The following ABHD5 variants were observed in gnomAD, a reference collection of about 807,000 sequenced individuals.
ABHD5 encodes abhydrolase domain containing 5, lysophosphatidic acid acyltransferase.
ABHD5 carries 30 observed loss-of-function variants against 44.9 expected under a neutral mutation model. That is an observed-to-expected ratio of 0.67 (90% CI 0.50 to 0.91). The LOEUF is 0.91. Among genes scored for constraint, ABHD5 ranks in the 40% least tolerant of loss-of-function variants. The probability of loss-of-function intolerance (pLI) is 0.00; values close to 1 mark genes in which losing one functional copy is unlikely to be tolerated. For synonymous variants in ABHD5, 167 were observed against 147.0 expected (o/e 1.14, Z -0.99); for missense variants, 399 against 423.4 (o/e 0.94, Z 0.50).
In ABHD5 at chr3:43,712,019, C is replaced by T. The variant is rs148939525; in HGVS notation, c.661+156C>T. Among the ~76,000 whole-genome samples the T allele has an allele frequency of 6.8e-3, 1,038 of 152,262 alleles. 11 individuals are homozygous for T. Among genetic ancestry groups the T allele is most frequent in the African/African-American group, 0.023 (956 of 41,530 alleles). On this transcript the variant is annotated intron_variant, in intron 4 of 6. Transcript: ENST00000644371. Reference sequence around the variant, plus strand: ...ATAAGTACCATGTCTTGCACAAAGACGAATGCAACTAGGTTCTTCTCCTCA... The same window carrying T: ...ATAAGTACCATGTCTTGCACAAAGATGAATGCAACTAGGTTCTTCTCCTCA...
At position 43,731,041 on chromosome 3, in the gene ABHD5, G is replaced by A. The variant is rs545636019; in HGVS notation, c.*30-2839G>A. On this transcript the variant is annotated intron_variant, in intron 7 of 7. Coordinates refer to the ABHD5 transcript ENST00000454293. Reference sequence around the variant, plus strand: ...GACAGGGTTTCACCATGTTAGCCACGGTGGTCTCGATCTCCTGACCTCGTG... The same window carrying A: ...GACAGGGTTTCACCATGTTAGCCACAGTGGTCTCGATCTCCTGACCTCGTG... Among the ~76,000 whole-genome samples the A allele has an allele frequency of 1.5e-4, 22 of 151,604 alleles. No homozygotes were observed. The South Asian group carries it at 3.6e-3, about 24-fold the overall frequency.
chr3:43,711,914 G>A (rs1226306153), intron 4 of ABHD5, 51 bp downstream of exon 4: 1 of 1,611,478 alleles, frequency 6.2e-7, no homozygotes, highest in African/African-American at 1.3e-5. Flanking sequence ...TATGAGAAGA[G>A]CAGAATTCAC....
chr3:43,701,596 A>G lies in ABHD5; in HGVS notation c.134-619A>G, dbSNP rs115609090. ...AAAATTGTGACTATTTGCTTTTTCTAGGAGATTACTAGAGTTGGACCCAAG... is the reference window on the plus strand; with the variant it reads ...AAAATTGTGACTATTTGCTTTTTCTGGGAGATTACTAGAGTTGGACCCAAG... On this transcript the variant is annotated intron_variant, in intron 2 of 6. Coordinates refer to ENST00000644371, the MANE Select transcript of ABHD5 (RefSeq NM_016006.6). Among the ~76,000 whole-genome samples, 439 of 152,312 alleles carry G rather than the reference A, an allele frequency of 2.9e-3. 2 individuals carry two copies. Among genetic ancestry groups the G allele is most frequent in the African/African-American group, 0.01 (424 of 41,576 alleles).
In ABHD5 at chr3:43,703,182, C is replaced by CTT. The variant is rs56246222; in HGVS notation, c.506+607_506+608dup. Among the ~76,000 whole-genome samples the CTT allele has an allele frequency of 6.5e-3, 964 of 147,182 alleles. 4 individuals carry two copies. The highest frequency in any genetic ancestry group is 8.5e-3 in the Non-Finnish European group (566 of 66,868). ...TTCTAGCATCATCTCCTTTCTTTAA[C>CTT]TTTTTTTTTTTTTAAGAGATAGAAG... On this transcript the variant is annotated intron_variant, in intron 3 of 6. Coordinates refer to ENST00000644371, the MANE Select transcript of ABHD5 (RefSeq NM_016006.6).
upstream of ABHD5, chr3:43,690,917 C>A: frequency 1.4e-6 from 2 of 1,474,578 alleles, no homozygotes; most frequent in South Asian, 2.6e-5. Context: ...CCTTAAGTGC[C>A]GCGCCAGCCC....
chr3:43,733,595 C>T (rs865968886), intron 7 of ABHD5, among the ~76,000 whole-genome samples: 2 of 152,210 alleles, frequency 1.3e-5, no homozygotes, highest in African/African-American at 2.4e-5. Context: ...CTTGTGTTTG[C>T]CTTTCACATC....
In ABHD5 at chr3:43,720,815, G is replaced by T. The variant is rs2084826640; in HGVS notation, c.*2283G>T. ...AATGCTGCTGTTGTTCTTAGGGAAGGCTACTCTGGGTGTTGTGGCCGCCAT... is the reference window on the plus strand; with the variant it reads ...AATGCTGCTGTTGTTCTTAGGGAAGTCTACTCTGGGTGTTGTGGCCGCCAT... On this transcript the variant is annotated 3_prime_UTR_variant, in exon 7 of 7. Transcript: ENST00000644371. 6.6e-6 allele frequency: 1 copy of T among 151,976 alleles called. No homozygotes were observed. Among genetic ancestry groups the T allele is most frequent in the Admixed American group, 6.6e-5 (1 of 15,256 alleles). 9.4% of individuals were successfully genotyped at this position (151,976 alleles called of 1,614,324 possible). A position where few individuals can be genotyped will look rare whatever the true frequency, so the allele number is the denominator to read the frequency against.
intron 6 of ABHD5, 56 bp downstream of exon 6, chr3:43,717,913 C>T: frequency 6.2e-7 from 1 of 1,607,430 alleles, no homozygotes; most frequent in Non-Finnish European, 8.5e-7. Flanking sequence ...GTTTTATTAT[C>T]TCCCTTAAAA....
chr3:43,716,996 C>A (rs1475247837), intron 5 of ABHD5, among the ~76,000 whole-genome samples: 1 of 152,098 alleles, frequency 6.6e-6, no homozygotes. Context: ...CATGGTGAAA[C>A]CCCGTCTCTA....
rs561159766 is a variant in ABHD5, at chr3:43,704,576, T to C, written c.506+1989T>C. ...TAGACCTTGGTCATTAAACCCTAAG[T>C]CTTAGAATCCTGACCCTTCATAGCT... On this transcript the variant is annotated intron_variant, in intron 3 of 6. Coordinates refer to ENST00000644371, the MANE Select transcript of ABHD5 (RefSeq NM_016006.6). Among the ~76,000 whole-genome samples, 3 of 152,308 alleles carry C rather than the reference T, an allele frequency of 2.0e-5. 1 individual carries two copies. Among genetic ancestry groups the C allele is most frequent in the African/African-American group, 7.2e-5 (3 of 41,544 alleles).
At chr3:43,705,870 A>C (rs1158705768) in intron 3 of ABHD5, among the ~76,000 whole-genome samples, 1 of 152,198 alleles carries the variant, frequency 6.6e-6, no homozygotes, top group African/African-American at 2.4e-5. Flanking sequence ...CATATTTGTT[A>C]ACTTTTTATT....
chr3:43,731,614 C>T (rs1479271248), intron 7 of ABHD5, among the ~76,000 whole-genome samples: 2 of 152,104 alleles, frequency 1.3e-5, no homozygotes, highest in Non-Finnish European at 1.5e-5. Context: ...GGCGGATCAC[C>T]TGAGGTCGGG....
downstream of ABHD5, among the ~76,000 whole-genome samples, chr3:43,726,303 G>A (rs2084877498): frequency 6.6e-6 from 1 of 152,130 alleles, no homozygotes; most frequent in African/African-American, 2.4e-5. Context: ...CCATATTTCT[G>A]TCGGGACTTA....
In ABHD5 at chr3:43,708,626, C is replaced by G. The variant is rs1244090560; in HGVS notation, c.507-3083C>G. ...TACTTACTATTCGATGGCCACCAAC[C>G]TGAGTGCTTTGCATGGTCTATCTTA... is the stretch of plus-strand genomic sequence containing the variant. On this transcript the variant is annotated intron_variant, in intron 3 of 6. Coordinates refer to ENST00000644371, the MANE Select transcript of ABHD5 (RefSeq NM_016006.6). Among the ~76,000 whole-genome samples the G allele has an allele frequency of 3.9e-5, 6 of 152,302 alleles. No homozygotes were observed. In the East Asian group the frequency reaches 1.2e-3, roughly 29 times the overall value.
chr3:43,716,729 A>G (rs1203271805), intron 5 of ABHD5, among the ~76,000 whole-genome samples: 7 of 152,080 alleles, frequency 4.6e-5, no homozygotes, highest in African/African-American at 2.4e-5. Flanking sequence ...CGGGAACATC[A>G]TTCATTTTCC....
Position 43,721,561 on chromosome 3 carries a change from C to G in ABHD5, c.*3029C>G, listed in dbSNP as rs1575609275. 1 of 130,790 alleles carries G rather than the reference C, an allele frequency of 7.6e-6. No individual in the cohort carries two copies. The highest frequency in any genetic ancestry group is 1.6e-5 in the Non-Finnish European group (1 of 63,250). 8.1% of individuals were successfully genotyped at this position (130,790 alleles called of 1,614,324 possible). On this transcript the variant is annotated 3_prime_UTR_variant, in exon 7 of 7. Transcript: ENST00000644371. ...GGGCAACCTAGTAGGACTGGCTCTACCAAAAAAAAAAAAAAAAAAAAATTA... is the reference window on the plus strand; with the variant it reads ...GGGCAACCTAGTAGGACTGGCTCTAGCAAAAAAAAAAAAAAAAAAAAATTA...
At position 43,696,062 on chromosome 3, in the gene ABHD5, C is replaced by A. The variant is rs144616933; in HGVS notation, c.48-3214C>A. Reference sequence around the variant, plus strand: ...CCTTGCTAATAAGGTAAGTGCCCAACTGATGGGGCTGTGTAGAAAACTTTT... The same window carrying A: ...CCTTGCTAATAAGGTAAGTGCCCAAATGATGGGGCTGTGTAGAAAACTTTT... On this transcript the variant is annotated intron_variant, in intron 1 of 6. Transcript: ENST00000644371. 2.7e-3 allele frequency among the ~76,000 whole-genome samples: 407 copies of A among 152,308 alleles called. 1 individual carries two copies. The highest frequency in any genetic ancestry group is 9.1e-3 in the African/African-American group (380 of 41,558).
chr3:43,718,009 G>A (rs2084789476), intron 6 of ABHD5, 152 bp downstream of exon 6: 5 of 959,768 alleles, frequency 5.2e-6, no homozygotes, highest in Non-Finnish European at 8.0e-6. Flanking sequence ...TGTGATGGGT[G>A]CAGGGTTTGG....
chr3:43,727,973 G>A (rs951384625), intron 7 of ABHD5, among the ~76,000 whole-genome samples: 2 of 152,164 alleles, frequency 1.3e-5, no homozygotes, highest in African/African-American at 4.8e-5. Context: ...TTTGCAATCA[G>A]CATCTTGTCT....
Sources: gnomAD v4.1 joint callset for allele counts (sites outside exome capture counted in the v4.1 genomes callset) on GRCh38, gnomAD v4.1.1 for gene constraint, MANE v1.5 for transcripts, NCBI Gene and HGNC (gene_info 2026-07-23, HGNC 2026-07-21) for gene names.